THADA: variants seen among roughly 807,000 people sequenced by gnomAD.
The protein encoded by THADA is THADA armadillo repeat containing.
In THADA, 213 loss-of-function variants were observed where a neutral mutation model predicts 219.8. The ratio of observed to expected loss-of-function variants is 0.97; its 90% CI spans 0.87 to 1.09. The LOEUF is 1.09. Ranked by LOEUF, THADA falls within the 50% of genes least tolerant of loss-of-function variation. THADA has a pLI of 0.00. For missense variants in THADA, 2,956 were observed against 2,311.3 expected, an observed-to-expected ratio of 1.28 and a Z score of -5.72; for synonymous variants, 1,018 against 828.9, an observed-to-expected ratio of 1.23 and a Z score of -3.92.
chr2:43,590,237 CAGAT>C (rs1559036168), intron 4 of THADA, among the ~76,000 whole-genome samples: 1 of 151,830 alleles, frequency 6.6e-6, no homozygotes. Flanking sequence ...AAACCAAGAA[CAGAT>C]AGGACAAAAA....
chr2:43,352,050 C>G (rs926049112), intron 29 of THADA, among the ~76,000 whole-genome samples: 1 of 152,188 alleles, frequency 6.6e-6, no homozygotes, highest in African/African-American at 2.4e-5. Flanking sequence ...AATACCTGCT[C>G]TAACTAAAAA....
At chr2:43,295,764 CA>C (rs1431299916) in intron 31 of THADA, among the ~76,000 whole-genome samples, 1 of 151,990 alleles carries the variant, frequency 6.6e-6, no homozygotes, top group Non-Finnish European at 1.5e-5. Context: ...CATAGACTTG[CA>C]ATAATTCGAG....
chr2:43,442,177 T>A (rs554181304), intron 26 of THADA, among the ~76,000 whole-genome samples: 1 of 152,296 alleles, frequency 6.6e-6, no homozygotes, highest in South Asian at 2.1e-4. Flanking sequence ...AGCTCAAACC[T>A]GTAATCCCAG....
intron 29 of THADA, among the ~76,000 whole-genome samples, chr2:43,345,128 G>A (rs1177432817): frequency 6.6e-6 from 1 of 152,146 alleles, no homozygotes; most frequent in Admixed American, 6.5e-5. Context: ...AATAACATCT[G>A]TTTTCTTTCC....
chr2:43,408,389 T>C (rs1366788012), intron 28 of THADA: 3 of 152,236 alleles, frequency 2.0e-5, no homozygotes, highest in Non-Finnish European at 4.4e-5. Context: ...ATAGTATTTA[T>C]TTAAAGACAA....
intron 22 of THADA, among the ~76,000 whole-genome samples, chr2:43,522,297 T>G (rs6753942): frequency 0.13 from 20,418 of 152,210 alleles, 1,702 homozygotes; most frequent in African/African-American, 0.23. Context: ...CATCTTAACC[T>G]CCCTCACCAC....
Position 43,232,716 on chromosome 2 carries a change from A to G in THADA, c.5463T>C (p.His1821=). The G allele has an allele frequency of 6.2e-7, 1 of 1,613,744 alleles. No homozygotes were observed. The highest frequency in any genetic ancestry group is 8.5e-7 in the Non-Finnish European group (1 of 1,179,762). The stretch of plus-strand genomic sequence containing the variant: ...TCCCCTGACACCCCGGGATCACCTG[A>G]TGCATGCTCTCCACACAGGCCACGA... ...DDLVACVESM[H]QVEEDYLFEK... The change falls in exon 37 of 38, where the codon CAT becomes CAC. Residue 1821 remains histidine, a synonymous_variant. Transcript: ENST00000405975.
intron 36 of THADA, among the ~76,000 whole-genome samples, chr2:43,261,431 C>T (rs1670931874): frequency 1.3e-5 from 2 of 150,636 alleles, no homozygotes; most frequent in Non-Finnish European, 3.0e-5. Context: ...GCCATGTTGC[C>T]TGGTTTGTGC....
chr2:43,529,871 G>C (rs973730055), intron 21 of THADA, among the ~76,000 whole-genome samples: 1 of 152,154 alleles, frequency 6.6e-6, no homozygotes, highest in Admixed American at 6.5e-5. Context: ...AAGTATCTCA[G>C]TTTCCTCATC....
intron 20 of THADA, among the ~76,000 whole-genome samples, chr2:43,543,731 T>G (rs1476454366): frequency 6.6e-6 from 1 of 152,256 alleles, no homozygotes; most frequent in Non-Finnish European, 1.5e-5. Context: ...GTTTTTTTCT[T>G]GTAAATTTGT....
At chr2:43,470,106 G>A (rs1020111509) in intron 26 of THADA, among the ~76,000 whole-genome samples, 1 of 151,648 alleles carries the variant, frequency 6.6e-6, no homozygotes, top group Non-Finnish European at 1.5e-5. Context: ...CTACTTGGGG[G>A]CTGAGGCAAG....
chr2:43,586,705 T>C lies in THADA; in HGVS notation c.481A>G (p.Asn161Asp). 1 of 1,611,584 alleles carries C rather than the reference T, an allele frequency of 6.2e-7. No homozygotes were observed. Among genetic ancestry groups the C allele is most frequent in the Non-Finnish European group, 8.5e-7 (1 of 1,179,418 alleles). The change falls in exon 6 of 38, where the codon AAT becomes GAT. Residue 161 changes from asparagine to aspartate, a missense_variant. Transcript: ENST00000405975. ...GRASVNNLLK[N>D]VLHFLQKSLI... ...AAAATAAAATAATAGGACTTACCAT[T>C]TTTAAGCAGATTATTAACACTTGCT...
intron 22 of THADA, among the ~76,000 whole-genome samples, chr2:43,518,774 G>A (rs1692046955): frequency 1.3e-5 from 2 of 152,120 alleles, no homozygotes; most frequent in African/African-American, 4.8e-5. Context: ...CTGTTTGGCT[G>A]ACTTTCAAAC....
intron 26 of THADA, among the ~76,000 whole-genome samples, chr2:43,447,505 T>C (rs1411648015): frequency 1.3e-5 from 2 of 152,208 alleles, no homozygotes; most frequent in African/African-American, 4.8e-5. Flanking sequence ...CATTTATAGA[T>C]TCTGGGAATT....
At chr2:43,250,673 G>A (rs1245429113) in intron 36 of THADA, among the ~76,000 whole-genome samples, 5 of 151,640 alleles carry the variant, frequency 3.3e-5, no homozygotes, top group Non-Finnish European at 7.4e-5. Flanking sequence ...AGACCAGCCT[G>A]GGCAACATAG....
intron 28 of THADA, among the ~76,000 whole-genome samples, chr2:43,414,529 C>T (rs1676704673): frequency 6.6e-6 from 1 of 152,168 alleles, no homozygotes; most frequent in African/African-American, 2.4e-5. Flanking sequence ...TATTTCCTTC[C>T]AGATGAAAGA....
intron 28 of THADA, among the ~76,000 whole-genome samples, chr2:43,402,147 T>G (rs1414087271): frequency 1.3e-5 from 2 of 152,098 alleles, no homozygotes; most frequent in Admixed American, 1.3e-4. Flanking sequence ...TTTGCATACA[T>G]CAATGACCAC....
rs569518943 is a variant in THADA at position 43,409,703 on chromosome 2, G to T, written c.4059-11564C>A. Among the ~76,000 whole-genome samples the T allele has an allele frequency of 1.6e-4, 25 of 152,196 alleles. No homozygotes were observed. The South Asian group carries it at 5.2e-3, about 31-fold the overall frequency. ...AAATAAATCTATGTCTAAAAGACTT[G>T]TATCCAAAATATATTCAGAATAATA... On this transcript the variant is annotated intron_variant, in intron 28 of 37. Transcript: ENST00000405975.
At chr2:43,525,555 G>A (rs187361265) in intron 22 of THADA, among the ~76,000 whole-genome samples, 44 of 152,248 alleles carry the variant, frequency 2.9e-4, no homozygotes, top group African/African-American at 1.0e-3. Flanking sequence ...TGGGGTGAGA[G>A]GCTACATGTA....
Sources: gnomAD v4.1 joint callset for allele counts (sites outside exome capture counted in the v4.1 genomes callset) on GRCh38, gnomAD v4.1.1 for gene constraint, MANE v1.5 for transcripts, NCBI Gene and HGNC (gene_info 2026-07-23, HGNC 2026-07-21) for gene names.